The following KIF26B variants were observed in gnomAD, a reference collection of about 807,000 sequenced individuals.
KIF26B encodes kinesin-like protein KIF26B.
Under a neutral mutation model 151.2 loss-of-function variants are expected in KIF26B, and 63 were observed. The observed-to-expected ratio is 0.42, with a 90% CI of 0.34 to 0.51. The LOEUF is 0.51. Among genes scored for constraint, KIF26B ranks in the 20% least tolerant of loss-of-function variants. The pLI is 0.07. For synonymous variants in KIF26B, 1,357 were observed against 1,262.1 expected (o/e 1.08, Z -1.59); for missense variants, 2,813 against 2,913.6 (o/e 0.97, Z 0.79).
intron 2 of KIF26B, among the ~76,000 whole-genome samples, chr1:245,260,120 A>C (rs563474184): frequency 6.6e-6 from 1 of 151,852 alleles, no homozygotes. Context: ...AGGCAAGGAG[A>C]GGAGGTAACA....
At chr1:245,220,206 G>C (rs776241572) in intron 2 of KIF26B, among the ~76,000 whole-genome samples, 2 of 152,196 alleles carry the variant, frequency 1.3e-5, no homozygotes, top group South Asian at 4.1e-4. Context: ...CTTGAGACTT[G>C]TTTCCCCTTT....
At chr1:245,492,657 TG>T (rs1660432209) in intron 4 of KIF26B, among the ~76,000 whole-genome samples, 1 of 152,266 alleles carries the variant, frequency 6.6e-6, no homozygotes, top group Non-Finnish European at 1.5e-5. Context: ...TAAGCCAATT[TG>T]GTATCTGCAG....
chr1:245,494,941 G>A (rs1422536718), intron 4 of KIF26B, among the ~76,000 whole-genome samples: 1 of 152,162 alleles, frequency 6.6e-6, no homozygotes, highest in Non-Finnish European at 1.5e-5. Context: ...TTGGGAGGCT[G>A]AGGTGGGAGG....
rs1053826916 is a variant in KIF26B at position 245,687,808 on chromosome 1, A to C, written c.4825A>C (p.Lys1609Gln). ...PPVRKSSLDQKNRASPQHSAS... is the reference protein window; with the variant it reads ...PPVRKSSLDQQNRASPQHSAS... ...TGTCCGAAAGTCCAGCCTGGACCAG[A>C]AGAACCGGGCCAGCCCTCAGCACAG... Residue 1609 changes from lysine (K) to glutamine (Q), a missense_variant, in exon 12 of 15, where the codon AAG becomes CAG. Coordinates refer to ENST00000407071, the MANE Select transcript of KIF26B (RefSeq NM_018012.4). The surrounding 1 kb of genome is among the most constrained non-coding windows in gnomAD (Gnocchi z 4.9). 3 of 1,594,346 alleles carry C rather than the reference A, an allele frequency of 1.9e-6. No individual in the cohort carries two copies. In the African/African-American group the frequency reaches 4.0e-5, roughly 21 times the overall value.
chr1:245,281,294 A>C, intron 2 of KIF26B, among the ~76,000 whole-genome samples: 1 of 74,206 alleles, frequency 1.3e-5, no homozygotes, highest in Non-Finnish European at 2.5e-5. Context: ...AATGATTGCC[A>C]TTCTAACTGG....
At chr1:245,245,388 G>A (rs1397366543) in intron 2 of KIF26B, among the ~76,000 whole-genome samples, 2 of 152,184 alleles carry the variant, frequency 1.3e-5, no homozygotes, top group African/African-American at 4.8e-5. Context: ...TCTGAATGGG[G>A]TGATGCCTGG....
At chr1:245,187,288 T>C (rs1005327545) in intron 2 of KIF26B, among the ~76,000 whole-genome samples, 2 of 152,232 alleles carry the variant, frequency 1.3e-5, no homozygotes, top group African/African-American at 4.8e-5. Context: ...TTCTCACTTA[T>C]AAGTGGGAGC....
chr1:245,604,390 A>G (rs2103147684), intron 6 of KIF26B, among the ~76,000 whole-genome samples: 1 of 152,328 alleles, frequency 6.6e-6, no homozygotes. Context: ...GGCTCCATTC[A>G]TTAAGAAGTT....
rs201207405 is a variant in KIF26B at position 245,703,794 on chromosome 1, G to A, written c.*1188G>A. ...AAGGATTCTTGAGACTGTACATCTT[G>A]TCTGTTGTCCAGAGTACAAGGATTT... On this transcript the variant is annotated 3_prime_UTR_variant, in exon 15 of 15. Coordinates refer to ENST00000407071, the MANE Select transcript of KIF26B (RefSeq NM_018012.4). The A allele has an allele frequency of 1.2e-4, 19 of 152,314 alleles. No individual in the cohort carries two copies. In the East Asian group the frequency reaches 1.9e-3, roughly 15 times the overall value. 9.4% of individuals were successfully genotyped at this position (152,314 alleles called of 1,614,324 possible). A position where few individuals can be genotyped will look rare whatever the true frequency, so the allele number is the denominator to read the frequency against.
At chr1:245,696,420 C>T (rs2044694151) in intron 12 of KIF26B, among the ~76,000 whole-genome samples, 1 of 152,200 alleles carries the variant, frequency 6.6e-6, no homozygotes, top group Admixed American at 6.5e-5. Flanking sequence ...GACAGCTTGC[C>T]TGCGACTCCG....
At position 245,155,044 on chromosome 1, in the gene KIF26B, C is replaced by T. The variant is rs1668401019; in HGVS notation, c.-381C>T. 1 of 452,886 alleles carries T rather than the reference C, an allele frequency of 2.2e-6. No homozygotes were observed. The highest frequency in any genetic ancestry group is 2.0e-5 in the African/African-American group (1 of 49,006). 28.1% of individuals were successfully genotyped at this position (452,886 alleles called of 1,614,324 possible). On this transcript the variant is annotated 5_prime_UTR_variant, in exon 1 of 15. Coordinates refer to ENST00000407071, the MANE Select transcript of KIF26B (RefSeq NM_018012.4). ...CAGCTGACTCGGCTCGGCTCTCCCA[C>T]CTTCCCGGCAGCGGCCGCGAGCCCT... is the stretch of plus-strand genomic sequence containing the variant.
At chr1:245,499,388 C>T (rs1660574612) in intron 4 of KIF26B, among the ~76,000 whole-genome samples, 2 of 152,116 alleles carry the variant, frequency 1.3e-5, no homozygotes, top group South Asian at 2.1e-4. Flanking sequence ...TTAGCCAAGG[C>T]TACATGGTGA....
At position 245,375,068 on chromosome 1, in the gene KIF26B, T is replaced by C. The variant is rs1185930579; in HGVS notation, c.999+7701T>C. Among the ~76,000 whole-genome samples, 1 of 152,038 alleles carries C rather than the reference T, an allele frequency of 6.6e-6. No individual in the cohort carries two copies. Among genetic ancestry groups the C allele is most frequent in the Non-Finnish European group, 1.5e-5 (1 of 68,016 alleles). On this transcript the variant is annotated intron_variant, in intron 3 of 14. Coordinates refer to ENST00000407071, the MANE Select transcript of KIF26B (RefSeq NM_018012.4). This position sits in a 1 kb window ranked among gnomAD's most constrained non-coding sequence, Gnocchi z 4.2. ...TGTGATTAAGCCAAGGATCTTGAGA[T>C]GGGGGATCATTTAATTTAATTTTAT...
At chr1:245,362,364 TAAAAAAAAAAAAAA>T (rs775148578) in intron 2 of KIF26B, among the ~76,000 whole-genome samples, 1 of 82,568 alleles carries the variant, frequency 1.2e-5, no homozygotes, top group African/African-American at 4.3e-5. Flanking sequence ...CCGTCTCTAC[TAAAAAAAAAAAAAA>T]AAAAAAAAAA....
At chr1:245,308,507 T>C (rs1287644716) in intron 2 of KIF26B, among the ~76,000 whole-genome samples, 2 of 152,178 alleles carry the variant, frequency 1.3e-5, no homozygotes, top group African/African-American at 2.4e-5. Context: ...ACTTGAAGTG[T>C]GTTTTTAAAA....
chr1:245,303,534 T>G (rs1671483284), intron 2 of KIF26B, among the ~76,000 whole-genome samples: 1 of 152,202 alleles, frequency 6.6e-6, no homozygotes, highest in African/African-American at 2.4e-5. Flanking sequence ...GCCCTGACAT[T>G]GAACTCAGTA....
Position 245,156,576 on chromosome 1 carries a change from T to C in KIF26B, c.358T>C (p.Ser120Pro). The C allele has an allele frequency of 6.5e-7, 1 of 1,528,670 alleles. No individual in the cohort carries two copies. The allele number at this position is 1,528,670 out of a possible 1,614,324, so 94.7% of individuals were successfully genotyped here. The change falls in exon 2 of 15, where the codon TCC becomes CCC. Residue 120 changes from serine to proline, a missense_variant. Physicochemically the swap from Ser to Pro is moderately conservative, Grantham distance 74. Coordinates refer to ENST00000407071, the MANE Select transcript of KIF26B (RefSeq NM_018012.4). ...SPGSGSGGGS[S>P]PGSDRGVWCE... The stretch of plus-strand genomic sequence containing the variant: ...GGGCTCCGGCAGCGGCGGCGGCTCC[T>C]CCCCCGGCTCGGACCGCGGCGTCTG...
chr1:245,183,825 A>G (rs149975581), intron 2 of KIF26B, among the ~76,000 whole-genome samples: 1 of 152,168 alleles, frequency 6.6e-6, no homozygotes, highest in Non-Finnish European at 1.5e-5. Flanking sequence ...GCATCAGAGA[A>G]AGACCTGGCG....
chr1:245,618,953 C>T (rs528076576), intron 9 of KIF26B, among the ~76,000 whole-genome samples: 3 of 138,894 alleles, frequency 2.2e-5, no homozygotes, highest in African/African-American at 8.6e-5. Flanking sequence ...GACAGAGTGC[C>T]ACAGTCCTGG....
Sources: allele counts gnomAD v4.1 joint callset (sites outside exome capture counted in the v4.1 genomes callset), GRCh38; gene constraint gnomAD v4.1.1; non-coding constraint Gnocchi (gnomAD v3.1); transcripts MANE v1.5; gene names NCBI Gene and HGNC (gene_info 2026-07-23, HGNC 2026-07-21).